The following RBMS3 variants were observed in gnomAD, a reference collection of about 807,000 sequenced individuals.
The protein encoded by RBMS3 is RNA-binding motif, single-stranded-interacting protein 3.
Under a neutral mutation model 66.8 loss-of-function variants are expected in RBMS3, and 27 were observed. The observed-to-expected ratio is 0.40, with a 90% CI of 0.30 to 0.56. The LOEUF (loss-of-function observed/expected upper bound fraction) is 0.56. Among genes scored for constraint, RBMS3 ranks in the 20% least tolerant of loss-of-function variants. The pLI, the probability that RBMS3 is intolerant of heterozygous loss-of-function variation, is 0.40. For synonymous variants in RBMS3, 188 were observed against 183.0 expected (o/e 1.03, Z -0.22); for missense variants, 513 against 549.5 (o/e 0.93, Z 0.66).
At position 29,762,782 on chromosome 3, in the gene RBMS3, A is replaced by G. The variant is rs2055750719; in HGVS notation, c.558-128A>G. The G allele has an allele frequency of 4.5e-6, 3 of 667,700 alleles. No homozygotes were observed. In the East Asian group the frequency reaches 8.3e-5, roughly 18 times the overall value. 41.4% of individuals were successfully genotyped at this position (667,700 alleles called of 1,614,324 possible). On this transcript the variant is annotated intron_variant, in intron 5 of 14. Coordinates refer to ENST00000383767, the MANE Select transcript of RBMS3 (RefSeq NM_001003793.3). Reference sequence around the variant, plus strand: ...TATCAATCTGGTCATCATGTTCATGAAAAAAGTTGGCAATTAGGGTACAAT... The same window carrying G: ...TATCAATCTGGTCATCATGTTCATGGAAAAAGTTGGCAATTAGGGTACAAT...
At chr3:29,612,332 A>G (rs972564423) in intron 4 of RBMS3, among the ~76,000 whole-genome samples, 3 of 152,064 alleles carry the variant, frequency 2.0e-5, no homozygotes, top group African/African-American at 7.2e-5. Flanking sequence ...ATGCTACTAT[A>G]TATAAAGGTT....
At chr3:30,003,328 T>C (rs900288198) in intron 14 of RBMS3, among the ~76,000 whole-genome samples, 1 of 152,014 alleles carries the variant, frequency 6.6e-6, no homozygotes, top group African/African-American at 2.4e-5. Flanking sequence ...AAGTAAAATA[T>C]AGTTCCTGCT....
intron 4 of RBMS3, among the ~76,000 whole-genome samples, chr3:29,708,328 G>T (rs1385337528): frequency 2.0e-5 from 3 of 152,084 alleles, no homozygotes; most frequent in Non-Finnish European, 1.5e-5. Flanking sequence ...AATAGTCACT[G>T]CCCTATATCT....
chr3:29,431,319 A>T (rs1317541959), intron 1 of RBMS3, among the ~76,000 whole-genome samples: 1 of 25,900 alleles, frequency 3.9e-5, no homozygotes, highest in East Asian at 1.3e-3. Context: ...TTTTTGACAG[A>T]GTCTCACTCT....
intron 2 of RBMS3, among the ~76,000 whole-genome samples, chr3:29,468,524 A>G (rs2042614331): frequency 6.6e-6 from 1 of 152,146 alleles, no homozygotes; most frequent in African/African-American, 2.4e-5. Context: ...GGGGCTTTCC[A>G]GTACAGAAAG....
At chr3:29,702,727 C>G (rs764363164) in intron 4 of RBMS3, among the ~76,000 whole-genome samples, 1 of 151,986 alleles carries the variant, frequency 6.6e-6, no homozygotes, top group African/African-American at 2.4e-5. Flanking sequence ...AGAGCTGTAA[C>G]ACTCACCGTG....
At chr3:29,515,916 G>T (rs2044601873) in intron 3 of RBMS3, among the ~76,000 whole-genome samples, 1 of 152,246 alleles carries the variant, frequency 6.6e-6, no homozygotes, top group African/African-American at 2.4e-5. Context: ...AATGATGTTG[G>T]AAATAGTAGT....
chr3:29,388,082 C>G (rs1575680531), intron 1 of RBMS3, among the ~76,000 whole-genome samples: 1 of 104,244 alleles, frequency 9.6e-6, no homozygotes, highest in Non-Finnish European at 1.8e-5. Flanking sequence ...TACACACACA[C>G]AGACACACAC....
chr3:29,474,658 T>C (rs1160844490), intron 2 of RBMS3, among the ~76,000 whole-genome samples: 1 of 152,220 alleles, frequency 6.6e-6, no homozygotes, highest in Non-Finnish European at 1.5e-5. Flanking sequence ...CAGAAATAAG[T>C]ATGCGCTTAC....
chr3:29,772,289 T>C (rs2056243227), intron 6 of RBMS3, among the ~76,000 whole-genome samples: 1 of 152,008 alleles, frequency 6.6e-6, no homozygotes, highest in Admixed American at 6.6e-5. Context: ...TTTATGTTGT[T>C]TTATGCCTCT....
At chr3:29,786,761 C>T (rs1278328750) in intron 6 of RBMS3, among the ~76,000 whole-genome samples, 1 of 152,068 alleles carries the variant, frequency 6.6e-6, no homozygotes, top group East Asian at 1.9e-4. Flanking sequence ...TCAGAAAAAC[C>T]TTTCTAGACA....
intron 1 of RBMS3, among the ~76,000 whole-genome samples, chr3:29,297,883 T>C (rs566501834): frequency 6.2e-4 from 94 of 151,996 alleles, no homozygotes; most frequent in African/African-American, 2.0e-3. Context: ...AGCACTGGCT[T>C]TGGGTGTGGT....
rs1045872887 is a variant in RBMS3 at position 29,623,310 on chromosome 3, C to A, written c.399+36105C>A. On this transcript the variant is annotated intron_variant, in intron 4 of 14. Transcript: ENST00000383767. ...GTAAACATTATAAAAGTATAAAAGT[C>A]GGCCGGGCGCGGTGGCTCACGCCTG... 3.3e-5 allele frequency among the ~76,000 whole-genome samples: 5 copies of A among 151,608 alleles called. No individual in the cohort carries two copies. The East Asian group carries it at 9.7e-4, about 29-fold the overall frequency.
intron 5 of RBMS3, among the ~76,000 whole-genome samples, chr3:29,759,486 G>T (rs893271184): frequency 6.6e-6 from 1 of 152,116 alleles, no homozygotes; most frequent in Non-Finnish European, 1.5e-5. Context: ...AAGAATAGAT[G>T]CAGTTGTAGT....
intron 3 of RBMS3, among the ~76,000 whole-genome samples, chr3:29,513,184 T>C (rs2044481817): frequency 6.6e-6 from 1 of 152,132 alleles, no homozygotes; most frequent in African/African-American, 2.4e-5. Context: ...CTTAGAAAGG[T>C]GTTAGTCTTC....
Position 29,442,958 on chromosome 3 carries a change from C to G in RBMS3, c.248+8043C>G, listed in dbSNP as rs145470001. Among the ~76,000 whole-genome samples, 1,050 of 152,162 alleles carry G rather than the reference C, an allele frequency of 6.9e-3. 39 individuals carry two copies. Among genetic ancestry groups the G allele is most frequent in the Admixed American group, 0.066 (1,007 of 15,264 alleles). On this transcript the variant is annotated intron_variant, in intron 2 of 14. Coordinates refer to ENST00000383767, the MANE Select transcript of RBMS3 (RefSeq NM_001003793.3). The stretch of plus-strand genomic sequence containing the variant: ...CTCTTTTCACTCTATAAACTGTCTG[C>G]TCTTTATTACACAAACAACATCAGC...
chr3:29,794,735 AT>A (rs2149432910), intron 6 of RBMS3, among the ~76,000 whole-genome samples: 1 of 152,268 alleles, frequency 6.6e-6, no homozygotes, highest in South Asian at 2.1e-4. Flanking sequence ...CTCTGAAGAG[AT>A]CTTTGACTGC....
chr3:29,792,027 G>T (rs2057028237), intron 6 of RBMS3, among the ~76,000 whole-genome samples: 1 of 151,944 alleles, frequency 6.6e-6, no homozygotes, highest in Non-Finnish European at 1.5e-5. Context: ...ATGTTTTTAA[G>T]TTAACCAGAA....
chr3:29,442,911 G>A (rs1444246078), intron 2 of RBMS3, among the ~76,000 whole-genome samples: 2 of 151,722 alleles, frequency 1.3e-5, no homozygotes, highest in Non-Finnish European at 2.9e-5. Context: ...GAATATTTTG[G>A]AGTTTTCTGG....
Sources: gnomAD v4.1 joint callset for allele counts (sites outside exome capture counted in the v4.1 genomes callset) on GRCh38, gnomAD v4.1.1 for gene constraint, MANE v1.5 for transcripts, NCBI Gene and HGNC (gene_info 2026-07-23, HGNC 2026-07-21) for gene names.